CREBRF: variants seen among roughly 807,000 people sequenced by gnomAD.
CREBRF encodes the protein UPF0474 protein C5orf41.
A neutral mutation model predicts 66.1 loss-of-function variants in CREBRF; 5 were observed. That is an observed-to-expected ratio of 0.08 (90% confidence interval 0.04 to 0.16). CREBRF has a LOEUF of 0.16. CREBRF is among the 10% of genes least tolerant of loss of function. The probability of loss-of-function intolerance (pLI) is 1.00; values close to 1 mark genes in which losing one functional copy is unlikely to be tolerated. For synonymous variants in CREBRF, 229 were observed against 264.4 expected (o/e 0.87, Z 1.30); for missense variants, 531 against 744.9 (o/e 0.71, Z 3.34).
intron 4 of CREBRF, among the ~76,000 whole-genome samples, chr5:173,107,687 C>G (rs749177432): frequency 2.0e-5 from 3 of 152,102 alleles, no homozygotes; most frequent in Non-Finnish European, 4.4e-5. Context: ...GAAGTGTATA[C>G]AGCTGGGCTA....
Position 173,117,528 on chromosome 5 carries a change from C to CCCTCCCCTCT in CREBRF, c.1681+5153_1681+5154insCCCTCTCCTC, listed in dbSNP as rs1465545273. ...TTTTTGCCTTCCCTTCCCTCCCCTC[C>CCCTCCCCTCT]CCTCTCCTCTTCCCTTCCCCTCCCC... is the stretch of plus-strand genomic sequence containing the variant. On this transcript the variant is annotated intron_variant, in intron 7 of 8. Transcript: ENST00000296953. 3.5e-5 allele frequency among the ~76,000 whole-genome samples: 3 copies of CCCTCCCCTCT among 85,884 alleles called. No individual in the cohort carries two copies. In the South Asian group the frequency reaches 1.7e-3, roughly 49 times the overall value. 56.3% of individuals were successfully genotyped at this position (85,884 alleles called of 152,430 possible).
At chr5:173,131,915 T>C (rs1171694801) in intron 8 of CREBRF, among the ~76,000 whole-genome samples, 1 of 151,138 alleles carries the variant, frequency 6.6e-6, no homozygotes, top group Non-Finnish European at 1.5e-5. Flanking sequence ...GTATTTTTAG[T>C]AAAGGCAGGG....
chr5:173,059,257 TTTTTTTTC>T (rs1208896882), intron 1 of CREBRF, among the ~76,000 whole-genome samples: 157 of 77,068 alleles, frequency 2.0e-3, no homozygotes, highest in African/African-American at 7.5e-3. Context: ...CTTCTTTTTC[TTTTTTTTC>T]TTTTTTTTTT....
intron 2 of CREBRF, chr5:173,086,192 TTTAA>T (rs1475855905): frequency 7.8e-6 from 6 of 767,966 alleles, no homozygotes; most frequent in South Asian, 1.4e-5. Flanking sequence ...CCACAACATA[TTTAA>T]TTGTCTGCAT....
chr5:173,073,172 A>G (rs1351090240), intron 1 of CREBRF, among the ~76,000 whole-genome samples: 2 of 152,232 alleles, frequency 1.3e-5, no homozygotes, highest in African/African-American at 2.4e-5. Flanking sequence ...TCTGAGGCCC[A>G]AAGAGTAGAG....
intron 4 of CREBRF, among the ~76,000 whole-genome samples, chr5:173,107,059 C>A (rs1758767403): frequency 6.6e-6 from 1 of 152,178 alleles, no homozygotes; most frequent in African/African-American, 2.4e-5. Flanking sequence ...CCCTTATATT[C>A]TTTTATAGTC....
intron 1 of CREBRF, among the ~76,000 whole-genome samples, chr5:173,063,970 C>G (rs1757358641): frequency 6.6e-6 from 1 of 152,140 alleles, no homozygotes; most frequent in Non-Finnish European, 1.5e-5. Flanking sequence ...GATCTGCCTG[C>G]CTTGGCCTCC....
chr5:173,105,562 A>G (rs173692), intron 4 of CREBRF, among the ~76,000 whole-genome samples: 73,884 of 151,826 alleles, frequency 0.49, 19,119 homozygotes, highest in Non-Finnish European at 0.58. Flanking sequence ...TCCACCTCCC[A>G]GGTTCAAGTC....
At chr5:173,071,457 A>C (rs530493736) in intron 1 of CREBRF, among the ~76,000 whole-genome samples, 3 of 152,070 alleles carry the variant, frequency 2.0e-5, no homozygotes, top group Admixed American at 2.0e-4. Context: ...TGATCCACCC[A>C]TCTTGGCCTC....
chr5:173,117,530 CTCTCCTCTTCCCT>C (rs1190262702), intron 7 of CREBRF, among the ~76,000 whole-genome samples: 42 of 89,558 alleles, frequency 4.7e-4, no homozygotes, highest in East Asian at 9.1e-4. Context: ...CTCCCCTCCC[CTCTCCTCTTCCCT>C]TCCCCTCCCC....
At chr5:173,085,181 G>A (rs1282265869) in intron 2 of CREBRF, among the ~76,000 whole-genome samples, 1 of 152,136 alleles carries the variant, frequency 6.6e-6, no homozygotes. Context: ...GACCTCAGGT[G>A]ATCCGCCTGC....
Position 173,135,660 on chromosome 5 carries a change from A to T in CREBRF, c.*1915A>T, listed in dbSNP as rs1759566193. ...TTTGACTATAAAGTGTCAAAGTATA[A>T]TTTGTTCTTTTCTTTTACTTTGTTA... is the stretch of plus-strand genomic sequence containing the variant. On this transcript the variant is annotated 3_prime_UTR_variant, in exon 9 of 9. Transcript: ENST00000296953. 6.6e-6 allele frequency: 1 copy of T among 152,210 alleles called. No individual in the cohort carries two copies. The highest frequency in any genetic ancestry group is 2.4e-5 in the African/African-American group (1 of 41,436). The allele number at this position is 152,210 out of a possible 1,614,324, so 9.4% of individuals were successfully genotyped here. A position where few individuals can be genotyped will look rare whatever the true frequency, so the allele number is the denominator to read the frequency against.
At chr5:173,058,083 G>C (rs1757131386) in intron 1 of CREBRF, among the ~76,000 whole-genome samples, 1 of 150,596 alleles carries the variant, frequency 6.6e-6, no homozygotes, top group African/African-American at 2.5e-5. Flanking sequence ...TGTAAATCTT[G>C]TGATCTGTCG....
At chr5:173,113,204 A>G (rs1422890545) in intron 7 of CREBRF, among the ~76,000 whole-genome samples, 1 of 152,146 alleles carries the variant, frequency 6.6e-6, no homozygotes, top group Non-Finnish European at 1.5e-5. Flanking sequence ...TGTGTTGCCC[A>G]GGCTGGTCCC....
intron 7 of CREBRF, among the ~76,000 whole-genome samples, chr5:173,117,442 T>C (rs1759016793): frequency 6.6e-6 from 1 of 151,872 alleles, no homozygotes. Flanking sequence ...ATAAGTTCTT[T>C]GGCTTGGCTT....
chr5:173,078,634 C>G (rs1757842986), intron 1 of CREBRF, among the ~76,000 whole-genome samples: 1 of 151,296 alleles, frequency 6.6e-6, no homozygotes, highest in Non-Finnish European at 1.5e-5. Context: ...TCTCGGCTCA[C>G]TGCAAACTCT....
chr5:173,083,224 ATAAAT>A (rs1363274904), intron 2 of CREBRF, among the ~76,000 whole-genome samples: 3 of 152,258 alleles, frequency 2.0e-5, no homozygotes, highest in African/African-American at 7.2e-5. Flanking sequence ...AAAAAAATAA[ATAAAT>A]AAAAGAAATT....
intron 1 of CREBRF, among the ~76,000 whole-genome samples, chr5:173,068,530 C>T (rs1300185865): frequency 6.6e-6 from 1 of 152,108 alleles, no homozygotes; most frequent in Non-Finnish European, 1.5e-5. Context: ...CAATAAAGAG[C>T]AATAATCTTT....
rs1477275528 is a variant in CREBRF at position 173,056,468 on chromosome 5, C to G, written c.-203C>G. 2 of 398,620 alleles carry G rather than the reference C, an allele frequency of 5.0e-6. No individual in the cohort carries two copies. Among genetic ancestry groups the G allele is most frequent in the South Asian group, 1.3e-4 (1 of 7,870 alleles). 24.7% of individuals were successfully genotyped at this position (398,620 alleles called of 1,614,324 possible). On this transcript the variant is annotated 5_prime_UTR_variant, in exon 1 of 9. Coordinates refer to ENST00000296953, the MANE Select transcript of CREBRF (RefSeq NM_153607.3). ...ACCGGACCCAGTCCCTGAGCCGCCC[C>G]TACACCCACAGGTGAGCGCCGCCAC...
Sources: gnomAD v4.1 joint callset for allele counts (sites outside exome capture counted in the v4.1 genomes callset) on GRCh38, gnomAD v4.1.1 for gene constraint, MANE v1.5 for transcripts, NCBI Gene and HGNC (gene_info 2026-07-23, HGNC 2026-07-21) for gene names.